The following ARHGAP31 variants were observed in gnomAD, a reference collection of about 807,000 sequenced individuals.
ARHGAP31 encodes Rho GTPase activating protein 31.
In ARHGAP31, 34 loss-of-function variants were observed where a neutral mutation model predicts 113.9. That is an observed-to-expected ratio of 0.30 (90% CI 0.23 to 0.40). The LOEUF (loss-of-function observed/expected upper bound fraction) is 0.40, where lower values mean the gene tolerates loss of function less well. Ranked by LOEUF, ARHGAP31 falls within the 10% of genes least tolerant of loss-of-function variation. The pLI is 1.00. For missense variants in ARHGAP31, 1,548 were observed against 1,767.1 expected (o/e 0.88, Z 2.22); for synonymous variants, 650 against 684.8 (o/e 0.95, Z 0.79).
chr3:119,414,136 G>A lies in ARHGAP31; in HGVS notation c.2207G>A (p.Arg736Lys). The change falls in exon 12 of 12, where the codon AGA becomes AAA. Residue 736 changes from arginine to lysine, a missense_variant. By Grantham distance (26) the Arg-to-Lys change is conservative. Coordinates refer to ENST00000264245, the MANE Select transcript of ARHGAP31 (RefSeq NM_020754.4). The stretch of plus-strand genomic sequence containing the variant: ...CAGGGGGCTTCCACAGCAGCCAGCA[G>A]AGAGAAGCCGGAACCTGAGCAGGGC... ...STQGASTAAS[R>K]EKPEPEQGLH... is the part of the protein sequence containing the mutation. 13 of 1,614,234 alleles carry A rather than the reference G, an allele frequency of 8.1e-6. No individual in the cohort carries two copies. Among genetic ancestry groups the A allele is most frequent in the African/African-American group, 1.3e-5 (1 of 75,058 alleles).
At chr3:119,396,500 A>G (rs1303838061) in intron 8 of ARHGAP31, among the ~76,000 whole-genome samples, 3 of 152,216 alleles carry the variant, frequency 2.0e-5, no homozygotes, top group African/African-American at 7.2e-5. Flanking sequence ...TACCAGAAGA[A>G]TATTGCTGGC....
At chr3:119,382,778 A>C (rs774901660) in intron 5 of ARHGAP31, among the ~76,000 whole-genome samples, 3 of 152,228 alleles carry the variant, frequency 2.0e-5, no homozygotes, top group Non-Finnish European at 4.4e-5. Flanking sequence ...GACCTGCTCC[A>C]TAGAACAGTT....
chr3:119,401,380 T>C (rs939524917), intron 9 of ARHGAP31, among the ~76,000 whole-genome samples: 3 of 152,194 alleles, frequency 2.0e-5, no homozygotes, highest in African/African-American at 4.8e-5. Context: ...ACAAAAAGTT[T>C]TAAAGTTCTA....
chr3:119,384,730 T>C (rs960114720), intron 6 of ARHGAP31, among the ~76,000 whole-genome samples: 3 of 152,166 alleles, frequency 2.0e-5, no homozygotes, highest in Admixed American at 6.5e-5. Context: ...CAGTGTTGCA[T>C]TGGGGATCAA....
At chr3:119,368,603 C>T in intron 3 of ARHGAP31, 87 bp downstream of exon 3, 1 of 1,497,306 alleles carries the variant, frequency 6.7e-7, no homozygotes, top group Non-Finnish European at 9.2e-7. Flanking sequence ...ACAATAATAA[C>T]ACTCACCAGA....
intron 8 of ARHGAP31, among the ~76,000 whole-genome samples, chr3:119,395,081 A>C (rs2080538065): frequency 6.6e-6 from 1 of 152,226 alleles, no homozygotes; most frequent in Non-Finnish European, 1.5e-5. Flanking sequence ...GGTAAGTTTA[A>C]GGGTGGTAGG....
chr3:119,308,228 C>G (rs778736019), intron 1 of ARHGAP31, among the ~76,000 whole-genome samples: 3 of 152,210 alleles, frequency 2.0e-5, no homozygotes, highest in Non-Finnish European at 2.9e-5. Flanking sequence ...ATGCTGGCCT[C>G]TCTGGGTTGT....
At chr3:119,379,824 C>T (rs1205394123) in intron 3 of ARHGAP31, among the ~76,000 whole-genome samples, 1 of 152,144 alleles carries the variant, frequency 6.6e-6, no homozygotes, top group Non-Finnish European at 1.5e-5. Context: ...TAAATTATAT[C>T]TCAGTGAAAA....
At position 119,383,162 on chromosome 3, in the gene ARHGAP31, G is replaced by A. The variant is rs1359689323; in HGVS notation, c.618G>A (p.Glu206=). The A allele has an allele frequency of 1.2e-6, 2 of 1,614,086 alleles. No homozygotes were observed. The highest frequency in any genetic ancestry group is 1.7e-6 in the Non-Finnish European group (2 of 1,180,032). The change falls in exon 6 of 12, where the codon GAG becomes GAA. Residue 206 remains glutamate, a synonymous_variant. Transcript: ENST00000264245. ...LAVRVQQVVI[E]FILNHVDQIF... Reference sequence around the variant, plus strand: ...TCCGGGTCCAGCAGGTGGTGATTGAGTTCATATTGAATCATGTAGATCAAA... The same window carrying A: ...TCCGGGTCCAGCAGGTGGTGATTGAATTCATATTGAATCATGTAGATCAAA...
Position 119,295,081 on chromosome 3 carries a change from A to T in ARHGAP31, c.100+77A>T, listed in dbSNP as rs3732412. 0.47 allele frequency: 649,214 copies of T among 1,375,806 alleles called. 153,843 individuals are homozygous for T. Among genetic ancestry groups the T allele is most frequent in the Admixed American group, 0.53 (30,521 of 57,436 alleles). The allele number at this position is 1,375,806 out of a possible 1,614,324, so 85.2% of individuals were successfully genotyped here. On this transcript the variant is annotated intron_variant, in intron 1 of 11. Coordinates refer to ENST00000264245, the MANE Select transcript of ARHGAP31 (RefSeq NM_020754.4). Reference sequence around the variant, plus strand: ...GAGAGACGGACTCTCTCGAGTTGTGATAGAGTCGGTTCACAAGTTAATGTA... The same window carrying T: ...GAGAGACGGACTCTCTCGAGTTGTGTTAGAGTCGGTTCACAAGTTAATGTA...
intron 1 of ARHGAP31, among the ~76,000 whole-genome samples, chr3:119,301,041 A>C (rs2079579654): frequency 6.6e-6 from 1 of 152,158 alleles, no homozygotes; most frequent in Admixed American, 6.5e-5. Flanking sequence ...ATTAGGCTTT[A>C]AACGTGGAGC....
intron 1 of ARHGAP31, among the ~76,000 whole-genome samples, chr3:119,362,789 G>A (rs926106577): frequency 6.7e-6 from 1 of 149,660 alleles, no homozygotes; most frequent in East Asian, 1.9e-4. Flanking sequence ...AAAAAGGCGG[G>A]GGGTGGAGTA....
chr3:119,374,036 T>G (rs2080327170), intron 3 of ARHGAP31, among the ~76,000 whole-genome samples: 1 of 152,220 alleles, frequency 6.6e-6, no homozygotes, highest in Non-Finnish European at 1.5e-5. Context: ...AAATCTATTG[T>G]TGTTAAAACT....
At chr3:119,407,654 A>G (rs574636277) in intron 10 of ARHGAP31, among the ~76,000 whole-genome samples, 1 of 152,372 alleles carries the variant, frequency 6.6e-6, no homozygotes, top group African/African-American at 2.4e-5. Flanking sequence ...AGGGATGAAC[A>G]CATGGTGGGT....
chr3:119,414,744 T>C lies in ARHGAP31; in HGVS notation c.2815T>C (p.Leu939=), dbSNP rs367834077. The change falls in exon 12 of 12, where the codon TTG becomes CTG. Residue 939 remains leucine, a synonymous_variant. Transcript: ENST00000264245. ...AQVQGLQGHQ[L]EKRLSHRPSL... is the part of the protein sequence containing the mutation. ...GGTACAGGGCCTTCAGGGTCACCAG[T>C]TGGAGAAGAGGCTTTCCCACAGGCC... The C allele has an allele frequency of 1.1e-5, 17 of 1,614,032 alleles. No individual in the cohort carries two copies. The highest frequency in any genetic ancestry group is 1.4e-5 in the Non-Finnish European group (17 of 1,180,004).
chr3:119,295,628 C>CT (rs1383910726), intron 1 of ARHGAP31, among the ~76,000 whole-genome samples: 1 of 151,988 alleles, frequency 6.6e-6, no homozygotes, highest in Non-Finnish European at 1.5e-5. Context: ...CTCCTCTTGG[C>CT]TTTCAGATTA....
intron 1 of ARHGAP31, among the ~76,000 whole-genome samples, chr3:119,327,527 A>C (rs1222534261): frequency 6.6e-6 from 1 of 152,240 alleles, no homozygotes; most frequent in African/African-American, 2.4e-5. Flanking sequence ...CCTGGGCAAC[A>C]CAGCGAGACA....
chr3:119,310,711 C>T (rs1338459449), intron 1 of ARHGAP31, among the ~76,000 whole-genome samples: 3 of 152,176 alleles, frequency 2.0e-5, no homozygotes, highest in African/African-American at 4.8e-5. Context: ...CGAAACTGGT[C>T]CCTGGTGCCA....
At position 119,380,930 on chromosome 3, in the gene ARHGAP31, A is replaced by G. The variant is rs1382546454; in HGVS notation, c.375A>G (p.Glu125=). The G allele has an allele frequency of 1.9e-6, 3 of 1,614,084 alleles. No individual in the cohort carries two copies. The highest frequency in any genetic ancestry group is 1.3e-5 in the African/African-American group (1 of 74,932). Reference sequence around the variant, plus strand: ...AGGCAGTGTCGCATTGCCCTGAAGAAGGCCAACTGGCCCGAATCCAAAATG... The same window carrying G: ...AGGCAGTGTCGCATTGCCCTGAAGAGGGCCAACTGGCCCGAATCCAAAATG... The part of the protein sequence containing the change: ...FTEAVSHCPE[E]GQLARIQNVI... Residue 125 remains glutamate, a synonymous_variant, in exon 4 of 12, where the codon GAA becomes GAG. Transcript: ENST00000264245.
Sources: allele counts gnomAD v4.1 joint callset (sites outside exome capture counted in the v4.1 genomes callset), GRCh38; gene constraint gnomAD v4.1.1; transcripts MANE v1.5; gene names NCBI Gene and HGNC (gene_info 2026-07-23, HGNC 2026-07-21).